PKNOX1: variants seen among roughly 807,000 people sequenced by gnomAD.
PKNOX1 encodes homeobox protein PKNOX1.
PKNOX1 carries 15 observed loss-of-function variants against 51.9 expected under a neutral mutation model. That is an observed-to-expected ratio of 0.29 (90% CI 0.19 to 0.45). PKNOX1 has a LOEUF of 0.45. Ranked by LOEUF, PKNOX1 falls within the 20% of genes least tolerant of loss-of-function variation. PKNOX1 has a pLI of 1.00. For missense variants in PKNOX1, 462 were observed against 547.5 expected (o/e 0.84, Z 1.56); for synonymous variants, 219 against 211.1 (o/e 1.04, Z -0.32).
At chr21:42,992,907 A>G (rs1225947187) in intron 1 of PKNOX1, among the ~76,000 whole-genome samples, 4 of 129,138 alleles carry the variant, frequency 3.1e-5, no homozygotes, top group Non-Finnish European at 6.3e-5. Flanking sequence ...TCCTCACAGC[A>G]CTGGGGGGCT....
chr21:43,002,193 A>G (rs565770472), intron 1 of PKNOX1, among the ~76,000 whole-genome samples: 92 of 152,194 alleles, frequency 6.0e-4, no homozygotes, highest in Admixed American at 3.9e-3. Flanking sequence ...TACCCTCTAC[A>G]TGTACTAACT....
intron 1 of PKNOX1, among the ~76,000 whole-genome samples, chr21:42,987,374 C>T (rs1425783755): frequency 1.4e-5 from 1 of 71,134 alleles, no homozygotes; most frequent in East Asian, 3.2e-4. Flanking sequence ...AAGAGCTAAA[C>T]TCCCTCTCAA....
chr21:42,995,388 G>C (rs775747339), intron 1 of PKNOX1, among the ~76,000 whole-genome samples: 2 of 152,130 alleles, frequency 1.3e-5, no homozygotes, highest in African/African-American at 2.4e-5. Context: ...TAATTAATAA[G>C]TGTCTTGAGC....
intron 5 of PKNOX1, 112 bp downstream of exon 5, chr21:43,013,350 A>G: frequency 1.3e-6 from 1 of 782,450 alleles, no homozygotes; most frequent in Non-Finnish European, 2.0e-6. Context: ...ATGACTTTCT[A>G]CAAGAAGGAC....
intron 1 of PKNOX1, among the ~76,000 whole-genome samples, chr21:42,982,017 A>G (rs35251716): frequency 0.038 from 5,793 of 152,254 alleles, 140 homozygotes; most frequent in Middle Eastern, 0.061. Context: ...TGTCTGTTCC[A>G]TCTGTACGCT....
chr21:43,024,734 A>G (rs1224559589), intron 8 of PKNOX1, 137 bp from the exon 9 acceptor site: 1 of 625,690 alleles, frequency 1.6e-6, no homozygotes, highest in Non-Finnish European at 2.9e-6. Context: ...GTGAGACTAC[A>G]GTTAGGTTTT....
At chr21:43,027,679 G>T in intron 9 of PKNOX1, among the ~76,000 whole-genome samples, 1 of 151,718 alleles carries the variant, frequency 6.6e-6, no homozygotes, top group East Asian at 1.9e-4. Context: ...CAGCACTTTC[G>T]GAGACCAAGG....
At chr21:42,984,863 G>A (rs1368834576) in intron 1 of PKNOX1, among the ~76,000 whole-genome samples, 1 of 150,614 alleles carries the variant, frequency 6.6e-6, no homozygotes, top group African/African-American at 2.5e-5. Flanking sequence ...GGGAGGGAGT[G>A]CAGGTGCCAG....
At position 42,982,148 on chromosome 21, in the gene PKNOX1, G is replaced by A. The variant is rs1046103949; in HGVS notation, c.-57+7484G>A. On this transcript the variant is annotated intron_variant, in intron 1 of 10. Coordinates refer to ENST00000291547, the MANE Select transcript of PKNOX1 (RefSeq NM_004571.5). ...CACCACCTACCAGGCGCTGACCTTCGGGCTGGGGGCTGGCCTTGGGTGTTG... is the reference window on the plus strand; with the variant it reads ...CACCACCTACCAGGCGCTGACCTTCAGGCTGGGGGCTGGCCTTGGGTGTTG... Among the ~76,000 whole-genome samples the A allele has an allele frequency of 5.3e-5, 8 of 152,124 alleles. No individual in the cohort carries two copies. The East Asian group carries it at 7.7e-4, about 15-fold the overall frequency.
At position 43,021,712 on chromosome 21, in the gene PKNOX1, A is replaced by G. The variant is rs1246121325; in HGVS notation, c.849+281A>G. Among the ~76,000 whole-genome samples the G allele has an allele frequency of 4.6e-5, 7 of 152,188 alleles. No individual in the cohort carries two copies. The highest frequency in any genetic ancestry group is 3.3e-4 in the Admixed American group (5 of 15,286). On this transcript the variant is annotated intron_variant, in intron 8 of 10. Coordinates refer to ENST00000291547, the MANE Select transcript of PKNOX1 (RefSeq NM_004571.5). The surrounding 1 kb of genome is among the most constrained non-coding windows in gnomAD (Gnocchi z 4.6). Reference sequence around the variant, plus strand: ...GGGTGATGGGGTCAGGTGAGCCAGAAAAGTGGGCAGAGAAGGGATGTTCTT... The same window carrying G: ...GGGTGATGGGGTCAGGTGAGCCAGAGAAGTGGGCAGAGAAGGGATGTTCTT...
chr21:42,987,751 T>C (rs912782097), intron 1 of PKNOX1, among the ~76,000 whole-genome samples: 2 of 151,404 alleles, frequency 1.3e-5, no homozygotes, highest in Non-Finnish European at 2.9e-5. Context: ...ACAGAGTAGC[T>C]GGGACTACAG....
chr21:43,004,489 G>T, intron 2 of PKNOX1, 57 bp downstream of exon 2: 2 of 1,152,344 alleles, frequency 1.7e-6, no homozygotes, highest in South Asian at 2.4e-5. Flanking sequence ...ACTCAAGCAT[G>T]AACATTGCTT....
chr21:42,989,201 A>G (rs2059073074), intron 1 of PKNOX1, among the ~76,000 whole-genome samples: 1 of 150,044 alleles, frequency 6.7e-6, no homozygotes, highest in Non-Finnish European at 1.5e-5. Flanking sequence ...CTGGTTTTGA[A>G]CTCCTGGACT....
At chr21:42,986,017 A>AAAAAT (rs34594458) in intron 1 of PKNOX1, among the ~76,000 whole-genome samples, 2 of 147,510 alleles carry the variant, frequency 1.4e-5, no homozygotes. Flanking sequence ...AAAAAAAAAA[A>AAAAAT]TTAAAAAAAA....
intron 1 of PKNOX1, among the ~76,000 whole-genome samples, chr21:42,992,969 G>A (rs984461612): frequency 4.1e-5 from 6 of 146,418 alleles, no homozygotes; most frequent in African/African-American, 1.5e-4. Flanking sequence ...TCTCATAGCA[G>A]TGTCAGGGGG....
chr21:42,992,722 A>C (rs1040140219), intron 1 of PKNOX1, among the ~76,000 whole-genome samples: 3 of 139,318 alleles, frequency 2.2e-5, no homozygotes, highest in African/African-American at 5.0e-5. Context: ...TCTTCACAGC[A>C]CTGGGGGTTC....
At position 43,021,540 on chromosome 21, in the gene PKNOX1, C is replaced by T; in HGVS notation, c.849+109C>T. On this transcript the variant is annotated intron_variant, in intron 8 of 10. Transcript: ENST00000291547. The surrounding 1 kb of genome is among the most constrained non-coding windows in gnomAD (Gnocchi z 4.6). ...TCTCTGGGCTCAGAAAATCAAAGGC[C>T]TGACTTTCAGGACTTTGTGGCATGT... 1 of 1,314,510 alleles carries T rather than the reference C, an allele frequency of 7.6e-7. No homozygotes were observed. The highest frequency in any genetic ancestry group is 1.0e-6 in the Non-Finnish European group (1 of 967,832). The allele number at this position is 1,314,510 out of a possible 1,614,324, so 81.4% of individuals were successfully genotyped here. A position where few individuals can be genotyped will look rare whatever the true frequency, so the allele number is the denominator to read the frequency against.
In PKNOX1 at chr21:43,033,338, C is replaced by T. The variant is rs1980361485; in HGVS notation, c.*3237C>T. 6.6e-6 allele frequency: 1 copy of T among 152,594 alleles called. No individual in the cohort carries two copies. Among genetic ancestry groups the T allele is most frequent in the Admixed American group, 6.5e-5 (1 of 15,284 alleles). 9.5% of individuals were successfully genotyped at this position (152,594 alleles called of 1,614,324 possible). On this transcript the variant is annotated 3_prime_UTR_variant, in exon 11 of 11. Coordinates refer to ENST00000291547, the MANE Select transcript of PKNOX1 (RefSeq NM_004571.5). ...GTGTGAGGTAGCAGTGGGCACTTTT[C>T]ATTGAGACAAACTCCAGGGTGTCCA...
chr21:42,999,479 CT>C (rs200452418), intron 1 of PKNOX1, among the ~76,000 whole-genome samples: 20 of 111,294 alleles, frequency 1.8e-4, no homozygotes, highest in Non-Finnish European at 2.3e-4. Context: ...ATGGGATTTT[CT>C]TTTCTTTTTT....
Sources: allele counts gnomAD v4.1 joint callset (sites outside exome capture counted in the v4.1 genomes callset), GRCh38; gene constraint gnomAD v4.1.1; non-coding constraint Gnocchi (gnomAD v3.1); transcripts MANE v1.5; gene names NCBI Gene and HGNC (gene_info 2026-07-23, HGNC 2026-07-21).